SPRR2D: variants seen among roughly 807,000 people sequenced by gnomAD.
The protein encoded by SPRR2D is small proline rich protein 2D.
For missense variants in SPRR2D, 81 were observed against 87.2 expected (o/e 0.93, Z 0.28); for synonymous variants, 43 against 32.8 (o/e 1.31, Z -1.06).
chr1:153,040,961 T>C (rs1226484403), intron 1 of SPRR2D, 117 bp downstream of exon 1: 1 of 157,512 alleles, frequency 6.3e-6, no homozygotes, highest in East Asian at 1.9e-4. Context: ...AATTTCCATC[T>C]ACTAAGTAGA....
chr1:153,040,281 C>T lies in SPRR2D; in HGVS notation c.66G>A (p.Lys22=), dbSNP rs1367118854. The T allele has an allele frequency of 6.2e-7, 1 of 1,612,320 alleles. No homozygotes were observed. The highest frequency in any genetic ancestry group is 2.2e-5 in the East Asian group (1 of 44,868). Residue 22 remains lysine, a synonymous_variant, in exon 2 of 2, where the codon AAG becomes AAA. Transcript: ENST00000360379. ...CQPPPVCPTP[K]CPEPCPPPKC... ...TCGGGGGTGGACATGGCTCTGGGCA[C>T]TTTGGCGTGGGGCACACAGGAGGTG... is the stretch of plus-strand genomic sequence containing the variant.
In SPRR2D at chr1:153,040,170, A is replaced by G. The variant is rs1336042184; in HGVS notation, c.177T>C (p.Pro59=). The G allele has an allele frequency of 4.8e-5, 77 of 1,612,898 alleles. No homozygotes were observed. The highest frequency in any genetic ancestry group is 6.3e-5 in the Non-Finnish European group (74 of 1,179,854). The change falls in exon 2 of 2, where the codon CCT becomes CCC. Residue 59 remains proline, a synonymous_variant. Coordinates refer to ENST00000360379, the MANE Select transcript of SPRR2D (RefSeq NM_006945.5). ...QCQQKYPPVT[P]SPPCQPKCPP... ...GACACTTTGGCTGGCAGGGTGGGGA[A>G]GGTGTCACAGGAGGATATTTCTGCT...
At position 153,039,764 on chromosome 1, in the gene SPRR2D, A is replaced by T. The variant is rs1048296; in HGVS notation, c.*364T>A. On this transcript the variant is annotated 3_prime_UTR_variant, in exon 2 of 2. Transcript: ENST00000360379. ...ATAGATACTTTATTCAGGGAGTGAAAGATAAATGACAATTGCAAAGGTGGT... is the reference window on the plus strand; with the variant it reads ...ATAGATACTTTATTCAGGGAGTGAATGATAAATGACAATTGCAAAGGTGGT... 11 of 401,776 alleles carry T rather than the reference A, an allele frequency of 2.7e-5. No individual in the cohort carries two copies. Among genetic ancestry groups the T allele is most frequent in the South Asian group, 1.5e-4 (2 of 12,964 alleles). 24.9% of individuals were successfully genotyped at this position (401,776 alleles called of 1,614,324 possible).
chr1:153,040,121 G>A lies in SPRR2D; in HGVS notation c.*7C>T, dbSNP rs754720728. ...TCCTCTCATGCTCCTGATGAATCCT[G>A]AAGCTGTTACTTGCTCTTGGGTGGA... is the stretch of plus-strand genomic sequence containing the variant. On this transcript the variant is annotated 3_prime_UTR_variant, in exon 2 of 2. Transcript: ENST00000360379. 56 of 1,611,792 alleles carry A rather than the reference G, an allele frequency of 3.5e-5. 1 individual carries two copies. Among genetic ancestry groups the A allele is most frequent in the Admixed American group, 1.7e-4 (10 of 59,968 alleles).
chr1:153,039,922 A>C lies in SPRR2D; in HGVS notation c.*206T>G. 1 of 1,064,454 alleles carries C rather than the reference A, an allele frequency of 9.4e-7. No homozygotes were observed. The highest frequency in any genetic ancestry group is 1.3e-6 in the Non-Finnish European group (1 of 753,948). The allele number at this position is 1,064,454 out of a possible 1,614,324, so 65.9% of individuals were successfully genotyped here. A position where few individuals can be genotyped will look rare whatever the true frequency, so the allele number is the denominator to read the frequency against. ...GCACAGCTGAGGACTTCCTTTTCTT[A>C]GCTCCACCTGGACAGTGGCAGTATG... On this transcript the variant is annotated 3_prime_UTR_variant, in exon 2 of 2. Transcript: ENST00000360379.
At chr1:153,040,506 CG>C in intron 1 of SPRR2D, 141 bp from the exon 2 acceptor site, 2 of 1,396,018 alleles carry the variant, frequency 1.4e-6, no homozygotes, top group Non-Finnish European at 1.9e-6. Flanking sequence ...AAGACTACTT[CG>C]TTTCTCCCTT....
chr1:153,040,805 A>G (rs1653969782), intron 1 of SPRR2D: 1 of 185,990 alleles, frequency 5.4e-6, no homozygotes, highest in Admixed American at 5.3e-5. Flanking sequence ...CCTTTGAAAA[A>G]GACACCAGGA....
intron 1 of SPRR2D, 76 bp downstream of exon 1, chr1:153,041,002 C>G (rs375524399): frequency 6.4e-6 from 1 of 155,288 alleles, no homozygotes; most frequent in Non-Finnish European, 1.4e-5. Context: ...ATTGTATCAA[C>G]CAAACTTGCT....
At chr1:153,040,438 C>T (rs1299439937) in intron 1 of SPRR2D, 73 bp from the exon 2 acceptor site, 11 of 1,585,794 alleles carry the variant, frequency 6.9e-6, no homozygotes, top group African/African-American at 2.7e-5. Flanking sequence ...TTATGTAATA[C>T]CATGAAATAT....
chr1:153,041,106 A>T lies in SPRR2D; in HGVS notation c.-48T>A, dbSNP rs1653979363. The T allele has an allele frequency of 6.5e-6, 1 of 153,100 alleles. No individual in the cohort carries two copies. Among genetic ancestry groups the T allele is most frequent in the African/African-American group, 2.4e-5 (1 of 41,472 alleles). 9.5% of individuals were successfully genotyped at this position (153,100 alleles called of 1,614,324 possible). ...GTTCTCCAAAGCAGATCGGTGCTAG[A>T]GTACCAGGAGTTTAAGAGTTGTGCA... On this transcript the variant is annotated 5_prime_UTR_variant, in exon 1 of 2. Coordinates refer to ENST00000360379, the MANE Select transcript of SPRR2D (RefSeq NM_006945.5).
Position 153,040,152 on chromosome 1 carries a change from T to C in SPRR2D, c.195A>G (p.Pro65=). 2 of 1,612,908 alleles carry C rather than the reference T, an allele frequency of 1.2e-6. No homozygotes were observed. The highest frequency in any genetic ancestry group is 1.7e-6 in the Non-Finnish European group (2 of 1,179,836). Residue 65 remains proline (P), a synonymous_variant, in exon 2 of 2, where the codon CCA becomes CCG. Transcript: ENST00000360379. ...PPVTPSPPCQ[P]KCPPKSK is the part of the protein sequence containing the mutation. ...GTTACTTGCTCTTGGGTGGACACTTTGGCTGGCAGGGTGGGGAAGGTGTCA... is the reference window on the plus strand; with the variant it reads ...GTTACTTGCTCTTGGGTGGACACTTCGGCTGGCAGGGTGGGGAAGGTGTCA...
At position 153,040,149 on chromosome 1, in the gene SPRR2D, CTT is replaced by C; in HGVS notation, c.196_197del (p.Lys66ValfsTer19). 6.2e-7 allele frequency: 1 copy of C among 1,612,780 alleles called. No individual in the cohort carries two copies. On this transcript the variant is annotated frameshift_variant, in exon 2 of 2. Transcript: ENST00000360379. LOFTEE classifies it high-confidence loss of function. The stretch of plus-strand genomic sequence containing the variant: ...GCTGTTACTTGCTCTTGGGTGGACA[CTT>C]TGGCTGGCAGGGTGGGGAAGGTGTC... Reference protein sequence around the residue: ...PVTPSPPCQPKCPPKSK With the variant: ...PVTPSPPCQPXCPPKSK
chr1:153,040,257 C>G lies in SPRR2D; in HGVS notation c.90G>C (p.Pro30=), dbSNP rs756954313. Residue 30 remains proline, a synonymous_variant, in exon 2 of 2, where the codon CCG becomes CCC. Transcript: ENST00000360379. The stretch of plus-strand genomic sequence containing the variant: ...GTGATGGGCAGGGCTCAGGGCACTT[C>G]GGGGGTGGACATGGCTCTGGGCACT... ...TPKCPEPCPP[P]KCPEPCPSPK... is the part of the protein sequence containing the mutation. 8 of 1,612,468 alleles carry G rather than the reference C, an allele frequency of 5.0e-6. No homozygotes were observed. The highest frequency in any genetic ancestry group is 1.7e-6 in the Non-Finnish European group (2 of 1,179,818).
intron 1 of SPRR2D, 99 bp from the exon 2 acceptor site, chr1:153,040,464 A>G: frequency 6.5e-7 from 1 of 1,537,192 alleles, no homozygotes. Flanking sequence ...CCCCATCTCC[A>G]AGAAATTATT....
chr1:153,040,591 C>G (rs1052846466), intron 1 of SPRR2D: 7 of 761,670 alleles, frequency 9.2e-6, no homozygotes, highest in African/African-American at 7.1e-5. Context: ...AAGAAAATAT[C>G]TCTGTAGTAA....
rs570363593 is a variant in SPRR2D at position 153,040,621 on chromosome 1, C to A, written c.-19-256G>T. On this transcript the variant is annotated intron_variant, in intron 1 of 1. Transcript: ENST00000360379. ...TAGTAATGAACCAAGCATGTTATTT[C>A]TGTGAAAATAACATCTTTAGGAAAG... 1.5e-4 allele frequency: 97 copies of A among 637,994 alleles called. No individual in the cohort carries two copies. In the African/African-American group the frequency reaches 1.7e-3, roughly 11 times the overall value. 39.5% of individuals were successfully genotyped at this position (637,994 alleles called of 1,614,324 possible).
chr1:153,040,703 T>A (rs963705525), intron 1 of SPRR2D: 2 of 400,264 alleles, frequency 5.0e-6, no homozygotes, highest in South Asian at 2.5e-5. Context: ...CTTATCATTA[T>A]CTGTAGTAAA....
rs573534980 is a variant in SPRR2D at position 153,039,738 on chromosome 1, C to T, written c.*390G>A. ...AAAGATCCATTCACAAATATATATGCATAGATACTTTATTCAGGGAGTGAA... is the reference window on the plus strand; with the variant it reads ...AAAGATCCATTCACAAATATATATGTATAGATACTTTATTCAGGGAGTGAA... On this transcript the variant is annotated 3_prime_UTR_variant, in exon 2 of 2. Transcript: ENST00000360379. 13 of 363,570 alleles carry T rather than the reference C, an allele frequency of 3.6e-5. No homozygotes were observed. The highest frequency in any genetic ancestry group is 5.4e-5 in the Non-Finnish European group (11 of 203,908). 22.5% of individuals were successfully genotyped at this position (363,570 alleles called of 1,614,324 possible).
chr1:153,040,570 C>T (rs567858414), intron 1 of SPRR2D: 14 of 893,222 alleles, frequency 1.6e-5, no homozygotes, highest in Non-Finnish European at 2.3e-5. Context: ...TTTTCTCATA[C>T]AATTTTTCCA....
Sources: gnomAD v4.1 joint callset for allele counts on GRCh38, gnomAD v4.1.1 for gene constraint, MANE v1.5 for transcripts, NCBI Gene and HGNC (gene_info 2026-07-23, HGNC 2026-07-21) for gene names.